ATG16L2: variants seen among roughly 807,000 people sequenced by gnomAD.
The protein encoded by ATG16L2 is autophagy related 16 like 2.
A neutral mutation model predicts 84.7 loss-of-function variants in ATG16L2; 77 were observed. The observed-to-expected ratio is 0.91, with a 90% CI of 0.76 to 1.10. The LOEUF is 1.10. Among genes scored for constraint, ATG16L2 ranks in the 50% least tolerant of loss-of-function variants. The probability of loss-of-function intolerance (pLI) is 0.00; values close to 1 mark genes in which losing one functional copy is unlikely to be tolerated. For synonymous variants in ATG16L2, 361 were observed against 342.8 expected, an observed-to-expected ratio of 1.05 and a Z score of -0.59; for missense variants, 782 against 817.6, an observed-to-expected ratio of 0.96 and a Z score of 0.53.
chr11:72,829,627 A>C lies in ATG16L2; in HGVS notation c.*237A>C. ...TTTTCTCCCAAAGTAGAAAAAAATG[A>C]TATCTGAACTGCGTCTGCCTACCTC... On this transcript the variant is annotated 3_prime_UTR_variant, in exon 18 of 18. Transcript: ENST00000321297. The C allele has an allele frequency of 7.5e-7, 1 of 1,335,824 alleles. No homozygotes were observed. The allele number at this position is 1,335,824 out of a possible 1,614,324, so 82.7% of individuals were successfully genotyped here. A position where few individuals can be genotyped will look rare whatever the true frequency, so the allele number is the denominator to read the frequency against.
At chr11:72,823,152 A>AC (rs1002680618) in intron 7 of ATG16L2, 191 bp downstream of exon 7, 64 of 523,382 alleles carry the variant, frequency 1.2e-4, no homozygotes, top group Non-Finnish European at 1.4e-4. Flanking sequence ...GTTCCATCTC[A>AC]CCCCCCCAAC....
chr11:72,816,873 G>C, intron 2 of ATG16L2, 46 bp downstream of exon 2: 2 of 1,525,080 alleles, frequency 1.3e-6, no homozygotes, highest in Non-Finnish European at 1.8e-6. Context: ...CCTGTGCTGG[G>C]GCCCTGCCCC....
At chr11:72,818,207 G>C in intron 3 of ATG16L2, 1 of 225,964 alleles carries the variant, frequency 4.4e-6, no homozygotes. Context: ...TACATTTGCA[G>C]ACTACAGAAG....
chr11:72,841,467 A>G (rs752628239), intron 5 of ATG16L2: 1 of 1,607,440 alleles, frequency 6.2e-7, no homozygotes, highest in South Asian at 1.1e-5. Flanking sequence ...TTGCTGAAGG[A>G]GACCGGGGAA....
chr11:72,823,092 G>C, intron 7 of ATG16L2, 131 bp downstream of exon 7: 1 of 640,688 alleles, frequency 1.6e-6, no homozygotes, highest in Non-Finnish European at 2.7e-6. Flanking sequence ...AGAAAGCTCA[G>C]ATCTCCCAGG....
chr11:72,827,250 A>T lies in ATG16L2; in HGVS notation c.1429A>T (p.Ile477Phe). The T allele has an allele frequency of 6.2e-7, 1 of 1,614,050 alleles. No individual in the cohort carries two copies. The highest frequency in any genetic ancestry group is 8.5e-7 in the Non-Finnish European group (1 of 1,179,996). ...NDVVCGDHII[I>F]SGHNDQKIRF... ...CGTGGTGTGTGGGGACCATATCATC[A>T]TTAGTGGCCACAATGACCAGAAGAT... The change falls in exon 14 of 18, where the codon ATT (isoleucine) becomes TTT (phenylalanine). Residue 477 changes from isoleucine to phenylalanine, a missense_variant. Transcript: ENST00000321297.
exon 6 of ATG16L2, chr11:72,842,750 T>C (rs200391084): frequency 1.1e-4 from 175 of 1,613,918 alleles, no homozygotes; most frequent in Non-Finnish European, 1.5e-4. Flanking sequence ...CTTGGTTTTC[T>C]TTGTTCAAGA....
intron 10 of ATG16L2, 143 bp downstream of exon 10, chr11:72,825,550 G>A: frequency 1.5e-6 from 1 of 679,550 alleles, no homozygotes; most frequent in Non-Finnish European, 2.5e-6. Flanking sequence ...ACAATGCCTT[G>A]GAAAGAGTGA....
chr11:72,814,456 CG>C lies in ATG16L2; in HGVS notation c.14del (p.Gly5AlafsTer40). 3 of 1,503,742 alleles carry C rather than the reference CG, an allele frequency of 2.0e-6. No individual in the cohort carries two copies. The South Asian group carries it at 3.7e-5, about 19-fold the overall frequency. The allele number at this position is 1,503,742 out of a possible 1,614,324, so 93.1% of individuals were successfully genotyped here. A position where few individuals can be genotyped will look rare whatever the true frequency, so the allele number is the denominator to read the frequency against. ...CGGGAGAGCGCGGCCATGGCGGGGC[CG>C]GGCGTCCCCGGTGCCCCCGCAGCGC... MAGPGVPGAPAARW... is the reference protein window; with the variant it reads MAGXGVPGAPAARW... On this transcript the variant is annotated frameshift_variant, in exon 1 of 18. Transcript: ENST00000321297. LOFTEE classifies it high-confidence loss of function.
rs554174965 is a variant in ATG16L2 at position 72,825,551 on chromosome 11, G to C, written c.1102+144G>C. ...TGGGCAGTGACTAGACAATGCCTTG[G>C]AAAGAGTGAGACTCTGGGCTCACTG... On this transcript the variant is annotated intron_variant, in intron 10 of 17. Coordinates refer to ENST00000321297, the MANE Select transcript of ATG16L2 (RefSeq NM_033388.2). 2.2e-5 allele frequency: 15 copies of C among 672,324 alleles called. No homozygotes were observed. The South Asian group carries it at 2.3e-4, about 10-fold the overall frequency. The allele number at this position is 672,324 out of a possible 1,614,324, so 41.6% of individuals were successfully genotyped here.
chr11:72,834,661 C>G (rs1013702841), intron 5 of ATG16L2, among the ~76,000 whole-genome samples: 1 of 151,892 alleles, frequency 6.6e-6, no homozygotes, highest in South Asian at 2.1e-4. Context: ...TGGCTCACCG[C>G]AACCTCTGCC....
downstream of ATG16L2, among the ~76,000 whole-genome samples, chr11:72,831,245 G>A (rs1223482931): frequency 2.0e-5 from 3 of 152,230 alleles, no homozygotes; most frequent in African/African-American, 4.8e-5. Context: ...GGTGGCTCAC[G>A]CCTGTAATCC....
Position 72,822,444 on chromosome 11 carries a change from C to T in ATG16L2, c.645-34C>T. On this transcript the variant is annotated intron_variant, in intron 5 of 17. Coordinates refer to ENST00000321297, the MANE Select transcript of ATG16L2 (RefSeq NM_033388.2). The surrounding 1 kb of genome is among the most constrained non-coding windows in gnomAD (Gnocchi z 4.2). ...AGCCCCGCCTGCGTGCGAGGCGCCG[C>T]GCCAGGGTCTCAGGATGCTTTTTAC... 2.5e-6 allele frequency: 4 copies of T among 1,611,948 alleles called. No individual in the cohort carries two copies. Among genetic ancestry groups the T allele is most frequent in the Non-Finnish European group, 3.4e-6 (4 of 1,178,994 alleles).
At chr11:72,828,658 C>CT in intron 15 of ATG16L2, 71 bp from the exon 16 acceptor site, 1 of 1,603,476 alleles carries the variant, frequency 6.2e-7, no homozygotes, top group Non-Finnish European at 8.5e-7. Context: ...AGAGGAAGCT[C>CT]TGGAAGCTCA....
At chr11:72,840,059 GCCA>G (rs1300440296) in intron 5 of ATG16L2, among the ~76,000 whole-genome samples, 3 of 152,124 alleles carry the variant, frequency 2.0e-5, no homozygotes, top group Non-Finnish European at 4.4e-5. Context: ...AGTCCATCTT[GCCA>G]CCACTTCTTT....
chr11:72,842,439 A>G (rs1453095612), intron 5 of ATG16L2, among the ~76,000 whole-genome samples: 1 of 152,258 alleles, frequency 6.6e-6, no homozygotes, highest in Non-Finnish European at 1.5e-5. Flanking sequence ...GGATGGCCAC[A>G]TTCCACAAGG....
chr11:72,824,704 C>T (rs960336680), intron 8 of ATG16L2, 30 bp from the exon 9 acceptor site: 6 of 1,558,176 alleles, frequency 3.9e-6, no homozygotes, highest in Admixed American at 1.7e-5. Context: ...TTGCTGAATG[C>T]CCTCCTGACC....
intron 1 of ATG16L2, chr11:72,815,969 T>TG (rs1859675392): frequency 6.6e-6 from 1 of 152,012 alleles, no homozygotes; most frequent in Non-Finnish European, 1.5e-5. Context: ...CTGGGGAAGT[T>TG]GGGATTATTT....
chr11:72,842,938 T>C, exon 6 of ATG16L2: 3 of 1,001,676 alleles, frequency 3.0e-6, no homozygotes, highest in East Asian at 2.5e-5. Context: ...AAGAGCATCA[T>C]ACAGAATAGG....
Sources: gnomAD v4.1 joint callset for allele counts (sites outside exome capture counted in the v4.1 genomes callset) on GRCh38, gnomAD v4.1.1 for gene constraint, Gnocchi (gnomAD v3.1) non-coding constraint, MANE v1.5 for transcripts, NCBI Gene and HGNC (gene_info 2026-07-23, HGNC 2026-07-21) for gene names.